The following DCC variants were observed in gnomAD, a reference collection of about 807,000 sequenced individuals.
The protein encoded by DCC is DCC netrin 1 receptor.
DCC carries 58 observed loss-of-function variants against 172.5 expected under a neutral mutation model. That is an observed-to-expected ratio of 0.34 (90% CI 0.27 to 0.42). The LOEUF (loss-of-function observed/expected upper bound fraction) is 0.42, where lower values mean the gene tolerates loss of function less well. DCC is among the 10% of genes least tolerant of loss of function. The probability of loss-of-function intolerance (pLI) is 1.00; values close to 1 mark genes in which losing one functional copy is unlikely to be tolerated. For synonymous variants in DCC, 709 were observed against 644.5 expected (o/e 1.10, Z -1.52); for missense variants, 1,740 against 1,791.0 (o/e 0.97, Z 0.51).
intron 2 of DCC, among the ~76,000 whole-genome samples, chr18:52,867,443 C>T (rs1404364512): frequency 6.6e-6 from 1 of 151,700 alleles, no homozygotes. Context: ...GGAATAGTTT[C>T]AGAAGAAATG....
At chr18:52,736,623 A>T (rs1330366447) in intron 1 of DCC, among the ~76,000 whole-genome samples, 1 of 152,214 alleles carries the variant, frequency 6.6e-6, no homozygotes, top group African/African-American at 2.4e-5. Flanking sequence ...GTTGGCTAAT[A>T]TTATTTAAAA....
intron 12 of DCC, among the ~76,000 whole-genome samples, chr18:53,217,698 T>C (rs1044427528): frequency 2.6e-5 from 4 of 152,146 alleles, no homozygotes; most frequent in African/African-American, 9.7e-5. Context: ...TTGTGTTTTA[T>C]TTGAAATAGA....
chr18:53,110,716 T>C (rs577015103), intron 7 of DCC, among the ~76,000 whole-genome samples: 139 of 137,986 alleles, frequency 1.0e-3, no homozygotes, highest in African/African-American at 3.5e-3. Context: ...CTCACACCAG[T>C]TAGAATGGCA....
chr18:52,610,156 A>T lies in DCC; in HGVS notation c.92-141898A>T, dbSNP rs1181319381. On this transcript the variant is annotated intron_variant, in intron 1 of 28. Coordinates refer to ENST00000442544, the MANE Select transcript of DCC (RefSeq NM_005215.4). ...TGGCAAAACCCCATCTCTCATAAAA[A>T]AAAAAAAAAAAAAAAAAAAAAAATA... Among the ~76,000 whole-genome samples, 48 of 7,532 alleles carry T rather than the reference A, an allele frequency of 6.4e-3. 2 individuals are homozygous for T. Among genetic ancestry groups the T allele is most frequent in the Admixed American group, 9.5e-3 (4 of 420 alleles). 4.9% of individuals were successfully genotyped at this position (7,532 alleles called of 152,430 possible). A position where few individuals can be genotyped will look rare whatever the true frequency, so the allele number is the denominator to read the frequency against.
At chr18:52,911,122 C>T (rs898925560) in intron 3 of DCC, among the ~76,000 whole-genome samples, 7 of 152,036 alleles carry the variant, frequency 4.6e-5, no homozygotes, top group African/African-American at 1.7e-4. Context: ...AATGTAGTTA[C>T]ATTATAGAAA....
intron 2 of DCC, among the ~76,000 whole-genome samples, chr18:52,822,322 A>G (rs2038421669): frequency 6.6e-6 from 1 of 152,208 alleles, no homozygotes; most frequent in East Asian, 1.9e-4. Context: ...GAAATGTGCT[A>G]GGTGCCCAAT....
chr18:53,095,792 C>CTTTT (rs71175552), intron 7 of DCC, among the ~76,000 whole-genome samples: 5,957 of 126,090 alleles, frequency 0.047, 188 homozygotes, highest in African/African-American at 0.052. Flanking sequence ...ATATGGATAT[C>CTTTT]TTTTTTTTTT....
intron 1 of DCC, among the ~76,000 whole-genome samples, chr18:52,736,664 A>T (rs561216636): frequency 1.3e-5 from 2 of 152,354 alleles, no homozygotes; most frequent in African/African-American, 2.4e-5. Flanking sequence ...TAAAATTACA[A>T]TCCTAGTACA....
At chr18:53,122,644 C>A (rs193219268) in intron 7 of DCC, among the ~76,000 whole-genome samples, 1 of 152,168 alleles carries the variant, frequency 6.6e-6, no homozygotes, top group East Asian at 1.9e-4. Flanking sequence ...TATACCGAAA[C>A]TCTTAGCTGT....
intron 22 of DCC, among the ~76,000 whole-genome samples, chr18:53,445,207 C>CT (rs1341848598): frequency 6.6e-6 from 1 of 152,132 alleles, no homozygotes; most frequent in Non-Finnish European, 1.5e-5. Flanking sequence ...GGGGGAAATA[C>CT]TTTGAAACGA....
chr18:53,528,973 T>C (rs923281438), intron 28 of DCC, among the ~76,000 whole-genome samples: 2 of 149,950 alleles, frequency 1.3e-5, no homozygotes, highest in African/African-American at 2.5e-5. Flanking sequence ...ATTTTGGAAA[T>C]GAGTTGCCTA....
chr18:53,300,994 T>TTCTTTCTTTCTTTCTTTCTTTC (rs1555649245), intron 12 of DCC, among the ~76,000 whole-genome samples: 1 of 134,610 alleles, frequency 7.4e-6, no homozygotes, highest in African/African-American at 2.9e-5. Context: ...TCTTTCTTTT[T>TTCTTTCTTTCTTTCTTTCTTTC]TTTTCTTTTC....
intron 1 of DCC, among the ~76,000 whole-genome samples, chr18:52,700,278 A>G (rs2036095040): frequency 1.2e-5 from 1 of 81,924 alleles, no homozygotes; most frequent in Admixed American, 1.1e-4. Context: ...TTGTGCACAC[A>G]TGCACACACA....
At chr18:53,163,601 A>G (rs1368978708) in intron 8 of DCC, among the ~76,000 whole-genome samples, 1 of 152,210 alleles carries the variant, frequency 6.6e-6, no homozygotes, top group South Asian at 2.1e-4. Flanking sequence ...CTGACTTGTT[A>G]ATGGTGTAGA....
intron 2 of DCC, among the ~76,000 whole-genome samples, chr18:52,891,493 C>T (rs1012290906): frequency 3.3e-5 from 5 of 151,974 alleles, no homozygotes; most frequent in Non-Finnish European, 4.4e-5. Flanking sequence ...TGATAGAAAC[C>T]TTGGGGGTCA....
intron 1 of DCC, among the ~76,000 whole-genome samples, chr18:52,696,243 C>G (rs983106573): frequency 5.3e-5 from 8 of 152,144 alleles, no homozygotes; most frequent in African/African-American, 1.4e-4. Flanking sequence ...GACCTTGAAG[C>G]CTTTCTGTTC....
At chr18:53,029,888 T>G (rs1443342507) in intron 5 of DCC, among the ~76,000 whole-genome samples, 1 of 152,126 alleles carries the variant, frequency 6.6e-6, no homozygotes, top group Non-Finnish European at 1.5e-5. Flanking sequence ...CGATTGTTTT[T>G]GTGCTGAGTT....
chr18:53,300,997 T>TTTC (rs2057133009), intron 12 of DCC, among the ~76,000 whole-genome samples: 1 of 12,228 alleles, frequency 8.2e-5, no homozygotes, highest in Non-Finnish European at 4.5e-4. Context: ...TTCTTTTTTT[T>TTTC]TCTTTTCTTT....
chr18:52,817,317 G>A (rs986664883), intron 2 of DCC, among the ~76,000 whole-genome samples: 1 of 151,828 alleles, frequency 6.6e-6, no homozygotes, highest in African/African-American at 2.4e-5. Context: ...ATTATTTTGA[G>A]TTCTGCTTTT....
Sources: gnomAD v4.1 joint callset for allele counts (sites outside exome capture counted in the v4.1 genomes callset) on GRCh38, gnomAD v4.1.1 for gene constraint, MANE v1.5 for transcripts, NCBI Gene and HGNC (gene_info 2026-07-23, HGNC 2026-07-21) for gene names.